The following GGA3 variants were observed in gnomAD, a reference collection of about 807,000 sequenced individuals.
The protein encoded by GGA3 is golgi associated, gamma adaptin ear containing, ARF binding protein 3, also known as ADP-ribosylation factor-binding protein GGA3.
GGA3 carries 57 observed loss-of-function variants against 77.5 expected under a neutral mutation model. That is an observed-to-expected ratio of 0.74 (90% CI 0.59 to 0.92). The LOEUF is 0.92. GGA3 is among the 40% of genes least tolerant of loss of function. The pLI is 0.00. For synonymous variants in GGA3, 416 were observed against 383.7 expected (o/e 1.08, Z -0.98); for missense variants, 970 against 914.9 (o/e 1.06, Z -0.78).
intron 1 of GGA3, among the ~76,000 whole-genome samples, chr17:75,253,507 T>C (rs1346475313): frequency 6.6e-6 from 1 of 152,154 alleles, no homozygotes; most frequent in African/African-American, 2.4e-5. Flanking sequence ...AAGTCCTGCT[T>C]TTCTGGGGGA....
At chr17:75,242,071 G>T in intron 8 of GGA3, 1 of 569,526 alleles carries the variant, frequency 1.8e-6, no homozygotes, top group Non-Finnish European at 3.1e-6. Flanking sequence ...GAGAGAGCAG[G>T]GGTGAGCACC....
At chr17:75,244,396 C>A in intron 4 of GGA3, 1 of 504,848 alleles carries the variant, frequency 2.0e-6, no homozygotes, top group Non-Finnish European at 3.6e-6. Context: ...GCCACTACCA[C>A]ATCACCTGTC....
At chr17:75,253,037 C>T (rs933360400) in intron 1 of GGA3, among the ~76,000 whole-genome samples, 8 of 152,226 alleles carry the variant, frequency 5.3e-5, no homozygotes, top group African/African-American at 1.2e-4. Context: ...GGTCTCTTCA[C>T]ATGGACGCGC....
At chr17:75,258,977 G>A (rs994774704) in intron 1 of GGA3, among the ~76,000 whole-genome samples, 6 of 144,664 alleles carry the variant, frequency 4.1e-5, no homozygotes, top group African/African-American at 1.6e-4. Context: ...TTTTGGAGAC[G>A]GAGTCTCGCT....
At chr17:75,257,771 A>G (rs2077206823) in intron 1 of GGA3, among the ~76,000 whole-genome samples, 1 of 151,944 alleles carries the variant, frequency 6.6e-6, no homozygotes, top group African/African-American at 2.4e-5. Flanking sequence ...TTCTCTCTCC[A>G]TACCACCCCA....
At chr17:75,253,075 G>A (rs1438741209) in intron 1 of GGA3, among the ~76,000 whole-genome samples, 2 of 152,124 alleles carry the variant, frequency 1.3e-5, no homozygotes, top group African/African-American at 2.4e-5. Flanking sequence ...GACTCGGATC[G>A]CGGGACCTCC....
Position 75,243,067 on chromosome 17 carries a change from G to A in GGA3, c.524C>T (p.Ser175Phe), listed in dbSNP as rs1258789868. 1 of 1,609,478 alleles carries A rather than the reference G, an allele frequency of 6.2e-7. No homozygotes were observed. Among genetic ancestry groups the A allele is most frequent in the Admixed American group, 1.7e-5 (1 of 59,932 alleles). Reference protein sequence around the residue: ...KNPVFDDEEKSKLLAKLLKSK... With the variant: ...KNPVFDDEEKFKLLAKLLKSK... ...CAGGCCCAGGGTGTCCTTTACCTTG[G>A]ACTTCTCCTCATCATCAAAAACAGG... The change falls in exon 6 of 17, where the codon TCC (serine) becomes TTC (phenylalanine). Residue 175 changes from serine (S) to phenylalanine (F), a missense_variant. By Grantham distance (155) the Ser-to-Phe change is radical. Transcript: ENST00000537686.
intron 11 of GGA3, 183 bp from the exon 12 acceptor site, chr17:75,240,595 G>T: frequency 1.5e-6 from 1 of 659,858 alleles, no homozygotes; most frequent in Non-Finnish European, 2.6e-6. Context: ...AGAAGCGGGG[G>T]GCCTGTGGGG....
At position 75,243,155 on chromosome 17, in the gene GGA3, A is replaced by G. The variant is rs771293886; in HGVS notation, c.436T>C (p.Ser146Pro). ...HMLKRQGIVQ[S>P]DPPIPVDRTL... The stretch of plus-strand genomic sequence containing the variant: ...CTATCCACAGGAATTGGTGGGTCAG[A>G]CTGCACTATGCCTGAAAGGGGACAT... The change falls in exon 6 of 17, where the codon TCT becomes CCT. Residue 146 changes from serine to proline, a missense_variant. By Grantham distance (74) the Ser-to-Pro change is moderately conservative. Coordinates refer to ENST00000537686, the MANE Select transcript of GGA3 (RefSeq NM_138619.4). The G allele has an allele frequency of 1.9e-6, 3 of 1,609,376 alleles. No homozygotes were observed. The highest frequency in any genetic ancestry group is 2.2e-5 in the East Asian group (1 of 44,878).
intron 1 of GGA3, among the ~76,000 whole-genome samples, chr17:75,257,719 G>A (rs1172827076): frequency 6.6e-6 from 1 of 151,870 alleles, no homozygotes; most frequent in Admixed American, 6.6e-5. Flanking sequence ...TTCCCACGCC[G>A]CCCCTAATCC....
chr17:75,242,354 C>T lies in GGA3; in HGVS notation c.729G>A (p.Gly243=), dbSNP rs751552023. 2 of 1,614,060 alleles carry T rather than the reference C, an allele frequency of 1.2e-6. No individual in the cohort carries two copies. Among genetic ancestry groups the T allele is most frequent in the Admixed American group, 1.7e-5 (1 of 60,004 alleles). Reference sequence around the variant, plus strand: ...GTCCCACCTTCATCAGCTCTCTGTCCCCGTCCGAAGAGTCCTCCTGGCTGT... The same window carrying T: ...GTCCCACCTTCATCAGCTCTCTGTCTCCGTCCGAAGAGTCCTCCTGGCTGT... ...LHYSQEDSSD[G]DRELMKELFD... The change falls in exon 8 of 17, where the codon GGG becomes GGA. Residue 243 remains glycine, a synonymous_variant. Transcript: ENST00000537686.
chr17:75,245,377 A>C (rs2076718695), intron 3 of GGA3, among the ~76,000 whole-genome samples: 1 of 152,146 alleles, frequency 6.6e-6, no homozygotes, highest in East Asian at 1.9e-4. Flanking sequence ...GCCACTCTGC[A>C]CTTTATAGGG....
chr17:75,248,494 A>AAAAAAAAAAAAAAT lies in GGA3; in HGVS notation c.41-1699_41-1698insATTTTTTTTTTTTT, dbSNP rs1598419606. 2.2e-5 allele frequency among the ~76,000 whole-genome samples: 3 copies of AAAAAAAAAAAAAAT among 136,514 alleles called. No homozygotes were observed. The East Asian group carries it at 6.6e-4, about 30-fold the overall frequency. 89.6% of individuals were successfully genotyped at this position (136,514 alleles called of 152,430 possible). A position where few individuals can be genotyped will look rare whatever the true frequency, so the allele number is the denominator to read the frequency against. On this transcript the variant is annotated intron_variant, in intron 1 of 16. Transcript: ENST00000537686. ...AAAAAAAAAAAAAAAAAAAAAAAAA[A>AAAAAAAAAAAAAAT]TCACCAGCTGGGCCGGGTGCAGTGG...
chr17:75,256,245 A>G (rs1191458664), intron 1 of GGA3, among the ~76,000 whole-genome samples: 1 of 152,000 alleles, frequency 6.6e-6, no homozygotes, highest in Non-Finnish European at 1.5e-5. Context: ...TAATACTTTT[A>G]GAGGCCCTAA....
At position 75,239,950 on chromosome 17, in the gene GGA3, A is replaced by T; in HGVS notation, c.1422T>A (p.Val474=). The T allele has an allele frequency of 1.3e-6, 2 of 1,581,280 alleles. No homozygotes were observed. The highest frequency in any genetic ancestry group is 2.3e-5 in the East Asian group (1 of 42,654). Reference sequence around the variant, plus strand: ...AGGAGGAGCCCGCACTGGGGGCAGGAACACTGGCTGGGACCACAGGAGCTG... The same window carrying T: ...AGGAGGAGCCCGCACTGGGGGCAGGTACACTGGCTGGGACCACAGGAGCTG... ...PFPAPVVPAS[V]PAPSAGSSLF... is the part of the protein sequence containing the mutation. Residue 474 remains valine (V), a synonymous_variant, in exon 13 of 17, where the codon GTT becomes GTA. Coordinates refer to ENST00000537686, the MANE Select transcript of GGA3 (RefSeq NM_138619.4).
chr17:75,244,147 G>A (rs1015763512), intron 4 of GGA3, among the ~76,000 whole-genome samples: 1 of 152,180 alleles, frequency 6.6e-6, no homozygotes, highest in Non-Finnish European at 1.5e-5. Flanking sequence ...TATCTTGGGG[G>A]TGTCCATGAG....
chr17:75,242,281 G>A, intron 8 of GGA3, 55 bp downstream of exon 8: 2 of 1,596,854 alleles, frequency 1.3e-6, no homozygotes, highest in Non-Finnish European at 1.7e-6. Flanking sequence ...TGCTGGCTGA[G>A]CTCCTGAAGG....
intron 1 of GGA3, among the ~76,000 whole-genome samples, chr17:75,255,711 C>G (rs1297117038): frequency 6.6e-6 from 1 of 152,226 alleles, no homozygotes. Flanking sequence ...AGTTCAGGAT[C>G]TATGCCTTAT....
intron 12 of GGA3, 48 bp from the exon 13 acceptor site, chr17:75,240,156 C>A: frequency 7.8e-7 from 1 of 1,288,666 alleles, no homozygotes; most frequent in Non-Finnish European, 1.1e-6. Context: ...TGGGGAGGGC[C>A]TGCCGCTGGA....
Sources: allele counts gnomAD v4.1 joint callset (sites outside exome capture counted in the v4.1 genomes callset), GRCh38; gene constraint gnomAD v4.1.1; transcripts MANE v1.5; gene names NCBI Gene and HGNC (gene_info 2026-07-23, HGNC 2026-07-21).